Variants in RIMS1 observed in about 807,000 individuals in gnomAD.
RIMS1 encodes the protein regulating synaptic membrane exocytosis protein 1.
RIMS1 carries 83 observed loss-of-function variants against 214.1 expected under a neutral mutation model. The observed-to-expected ratio is 0.39, with a 90% confidence interval of 0.32 to 0.47. The LOEUF (loss-of-function observed/expected upper bound fraction) is 0.47, where lower values mean the gene tolerates loss of function less well. RIMS1 is among the 20% of genes least tolerant of loss of function. The probability of loss-of-function intolerance (pLI) is 0.99; values close to 1 mark genes in which losing one functional copy is unlikely to be tolerated. For synonymous variants in RIMS1, 793 were observed against 786.8 expected, an observed-to-expected ratio of 1.01 and a Z score of -0.13; for missense variants, 2,050 against 2,161.8, an observed-to-expected ratio of 0.95 and a Z score of 1.03.
intron 26 of RIMS1, among the ~76,000 whole-genome samples, chr6:72,300,267 A>G (rs757264552): frequency 6.6e-6 from 1 of 151,826 alleles, no homozygotes; most frequent in African/African-American, 2.4e-5. Flanking sequence ...CAAAGGATTT[A>G]ACACATGTTA....
In RIMS1 at chr6:72,052,773, T is replaced by C. The variant is rs1825072660; in HGVS notation, c.246-44176T>C. On this transcript the variant is annotated intron_variant, in intron 2 of 33. Transcript: ENST00000521978. ...TGTGTTATTCTCTTCCTTGTTGATT[T>C]AGTTGTTGCTTGACTAGTAATATAG... Among the ~76,000 whole-genome samples, 3 of 152,350 alleles carry C rather than the reference T, an allele frequency of 2.0e-5. 1 individual carries two copies. The South Asian group carries it at 6.2e-4, about 32-fold the overall frequency.
At chr6:72,398,875 C>G (rs1351388749) in intron 32 of RIMS1, 80 bp from the exon 33 acceptor site, 26 of 873,802 alleles carry the variant, frequency 3.0e-5, no homozygotes, top group Non-Finnish European at 4.2e-5. Flanking sequence ...ATCTCTAATT[C>G]TCTAATAGGG....
intron 1 of RIMS1, among the ~76,000 whole-genome samples, chr6:71,940,612 G>A (rs546298413): frequency 3.5e-4 from 54 of 152,296 alleles, no homozygotes; most frequent in African/African-American, 1.2e-3. Context: ...TATTGCAATA[G>A]GGGAGAGAGA....
intron 2 of RIMS1, among the ~76,000 whole-genome samples, chr6:71,999,621 G>A (rs1478485076): frequency 1.3e-5 from 2 of 152,044 alleles, no homozygotes; most frequent in East Asian, 1.9e-4. Context: ...TCTCAATCTG[G>A]CCTTTTGAGG....
In RIMS1 at chr6:72,398,255, T is replaced by A; in HGVS notation, c.4625T>A (p.Ile1542Lys). The A allele has an allele frequency of 6.3e-7, 1 of 1,599,574 alleles. No homozygotes were observed. The highest frequency in any genetic ancestry group is 8.5e-7 in the Non-Finnish European group (1 of 1,170,700). ...TGCTCCTTTCCATTTGCAGGTGATA[T>A]ACAAATAGGAATGGAGGACAAAAAG... ...QTLATPAMGDIQIGMEDKKGQ... is the reference protein window; with the variant it reads ...QTLATPAMGDKQIGMEDKKGQ... The change falls in exon 32 of 34, where the codon ATA becomes AAA. Residue 1542 changes from isoleucine (I) to lysine (K), a missense_variant. Around this residue, in one of 6 missense-constraint regions of RIMS1, gnomAD observed 121 missense variants for 187.3 expected, o/e 0.65. Transcript: ENST00000521978.
At chr6:72,069,746 TTCGTTTTTTAC>T (rs1220935402) in intron 2 of RIMS1, among the ~76,000 whole-genome samples, 1 of 152,232 alleles carries the variant, frequency 6.6e-6, no homozygotes, top group Non-Finnish European at 1.5e-5. Flanking sequence ...TTGTATGATT[TTCGTTTTTTAC>T]TAGTGAATTG....
chr6:72,032,880 C>T (rs1438139948), intron 2 of RIMS1, among the ~76,000 whole-genome samples: 1 of 152,088 alleles, frequency 6.6e-6, no homozygotes, highest in Admixed American at 6.6e-5. Context: ...GGACACCTAA[C>T]TCAATCTAAT....
At chr6:72,386,763 T>C (rs2154431792) in intron 29 of RIMS1, among the ~76,000 whole-genome samples, 1 of 148,906 alleles carries the variant, frequency 6.7e-6, no homozygotes, top group Admixed American at 6.7e-5. Context: ...AGATGGAGTC[T>C]TGATCAGTTG....
chr6:71,987,466 A>G (rs1364098718), intron 2 of RIMS1, among the ~76,000 whole-genome samples: 1 of 152,204 alleles, frequency 6.6e-6, no homozygotes, highest in African/African-American at 2.4e-5. Context: ...CCCATTTATG[A>G]GGGCTCTGCC....
At chr6:72,395,826 AG>A (rs2098768070) in intron 31 of RIMS1, among the ~76,000 whole-genome samples, 1 of 152,024 alleles carries the variant, frequency 6.6e-6, no homozygotes, top group South Asian at 2.1e-4. Flanking sequence ...ATCATAACAA[AG>A]TATATGAATG....
intron 1 of RIMS1, among the ~76,000 whole-genome samples, chr6:71,909,046 G>A (rs1776132644): frequency 6.6e-6 from 1 of 152,118 alleles, no homozygotes; most frequent in Admixed American, 6.6e-5. Flanking sequence ...CTGGAGTGCA[G>A]TGGCACAATC....
chr6:72,237,904 G>A lies in RIMS1; in HGVS notation c.1939G>A (p.Val647Ile). 1.9e-6 allele frequency: 3 copies of A among 1,612,416 alleles called. No individual in the cohort carries two copies. Among genetic ancestry groups the A allele is most frequent in the Non-Finnish European group, 2.5e-6 (3 of 1,178,880 alleles). ...AAAGAAGGGTAGCCTAGCAGATGTA[G>A]TTGGACACCTAAGAGCAGGTAAAGT... The part of the protein sequence containing the change: ...KVKKGSLADV[V>I]GHLRAGDEVL... Residue 647 changes from valine to isoleucine, a missense_variant, in exon 9 of 34, where the codon GTT (valine) becomes ATT (isoleucine). This residue lies in a region of RIMS1 where 111 missense variants were observed against 166.2 expected (regional missense o/e 0.67). Coordinates refer to ENST00000521978, the MANE Select transcript of RIMS1 (RefSeq NM_014989.7).
chr6:71,910,412 G>A (rs185171508), intron 1 of RIMS1, among the ~76,000 whole-genome samples: 163 of 152,220 alleles, frequency 1.1e-3, no homozygotes, highest in Non-Finnish European at 2.0e-3. Flanking sequence ...TGGGATCCCT[G>A]GGCTGAAAAG....
intron 2 of RIMS1, among the ~76,000 whole-genome samples, chr6:72,077,773 T>C (rs543984219): frequency 2.8e-4 from 42 of 152,332 alleles, no homozygotes; most frequent in African/African-American, 7.7e-4. Context: ...AAAGCTTAGA[T>C]GGACTAATTC....
intron 31 of RIMS1, among the ~76,000 whole-genome samples, chr6:72,393,452 C>T (rs2807523): frequency 0.21 from 31,808 of 152,144 alleles, 3,549 homozygotes; most frequent in South Asian, 0.29. Context: ...TTGCCGGGCG[C>T]TGTGGCTCAC....
intron 2 of RIMS1, among the ~76,000 whole-genome samples, chr6:72,075,742 T>A (rs1180425477): frequency 6.6e-6 from 1 of 152,150 alleles, no homozygotes; most frequent in East Asian, 1.9e-4. Context: ...GTTCAAAAAT[T>A]CTGGGGGGAC....
chr6:72,061,604 G>A (rs1381807940), intron 2 of RIMS1, among the ~76,000 whole-genome samples: 1 of 152,194 alleles, frequency 6.6e-6, no homozygotes, highest in Non-Finnish European at 1.5e-5. Context: ...TATAGATAAG[G>A]CAGTGGTGGT....
At chr6:71,913,988 G>A (rs1777642983) in intron 1 of RIMS1, among the ~76,000 whole-genome samples, 1 of 152,072 alleles carries the variant, frequency 6.6e-6, no homozygotes, top group South Asian at 2.1e-4. Context: ...GGGTGTGGTG[G>A]GGAATAAGGA....
chr6:72,092,774 G>A (rs1051999286), intron 2 of RIMS1, among the ~76,000 whole-genome samples: 17 of 152,172 alleles, frequency 1.1e-4, no homozygotes, highest in Non-Finnish European at 2.9e-5. Context: ...GAAGAACATG[G>A]TGCCCTGGTG....
Sources: gnomAD v4.1 joint callset for allele counts (sites outside exome capture counted in the v4.1 genomes callset) on GRCh38, gnomAD v4.1.1 for gene constraint, gnomAD v4.1.1 regional missense constraint, MANE v1.5 for transcripts, NCBI Gene and HGNC (gene_info 2026-07-23, HGNC 2026-07-21) for gene names.